Variants in ZNRF1 observed in about 807,000 individuals in gnomAD.
ZNRF1 encodes the protein E3 ubiquitin-protein ligase ZNRF1.
ZNRF1 carries 3 observed loss-of-function variants against 18.4 expected under a neutral mutation model. The ratio of observed to expected loss-of-function variants is 0.16; its 90% CI spans 0.07 to 0.42. ZNRF1 has a LOEUF of 0.42. Ranked by LOEUF, ZNRF1 falls within the 10% of genes least tolerant of loss-of-function variation. The probability of loss-of-function intolerance (pLI) is 0.99; values close to 1 mark genes in which losing one functional copy is unlikely to be tolerated. For synonymous variants in ZNRF1, 157 were observed against 144.2 expected (o/e 1.09, Z -0.64); for missense variants, 310 against 329.8 (o/e 0.94, Z 0.47).
chr16:75,036,567 TC>T (rs1483285059), intron 1 of ZNRF1, among the ~76,000 whole-genome samples: 2 of 148,912 alleles, frequency 1.3e-5, no homozygotes, highest in East Asian at 1.9e-4. Flanking sequence ...TTCATCTGTT[TC>T]TTTTTTTTTT....
intron 1 of ZNRF1, among the ~76,000 whole-genome samples, chr16:75,049,871 G>GT (rs1555511852): frequency 1.3e-5 from 2 of 150,418 alleles, no homozygotes; most frequent in African/African-American, 2.4e-5. Context: ...GTGTGTGTGT[G>GT]GTTTAGTGCA....
chr16:75,002,371 G>T (rs896100151), intron 1 of ZNRF1: 2 of 152,214 alleles, frequency 1.3e-5, no homozygotes, highest in Non-Finnish European at 2.9e-5. Flanking sequence ...GAGCCTTTGA[G>T]TAAGGTCTAA....
chr16:75,076,415 G>A (rs547894515), intron 1 of ZNRF1, among the ~76,000 whole-genome samples: 2 of 152,200 alleles, frequency 1.3e-5, no homozygotes, highest in South Asian at 2.1e-4. Flanking sequence ...ACTTCGGGAT[G>A]TGAAAGAAAT....
chr16:75,032,553 A>G (rs770391225), intron 1 of ZNRF1, among the ~76,000 whole-genome samples: 1 of 151,990 alleles, frequency 6.6e-6, no homozygotes, highest in Non-Finnish European at 1.5e-5. Flanking sequence ...AACAAACAAC[A>G]ACACAAAGAA....
intron 2 of ZNRF1, 38 bp from the exon 3 acceptor site, chr16:75,104,746 G>T: frequency 6.4e-7 from 1 of 1,553,548 alleles, no homozygotes; most frequent in South Asian, 1.2e-5. Flanking sequence ...GTCCACTGGT[G>T]ACTAACCCTC....
intron 1 of ZNRF1, among the ~76,000 whole-genome samples, chr16:75,061,143 C>A (rs2035739069): frequency 1.3e-5 from 2 of 152,150 alleles, no homozygotes; most frequent in Admixed American, 6.5e-5. Flanking sequence ...AAGCATTTAT[C>A]CTTTGAGTTA....
chr16:75,102,649 C>T (rs1411687155), intron 2 of ZNRF1, among the ~76,000 whole-genome samples: 1 of 152,162 alleles, frequency 6.6e-6, no homozygotes, highest in Non-Finnish European at 1.5e-5. Flanking sequence ...GGATTTTGGT[C>T]TGAACTTTCT....
intron 1 of ZNRF1, among the ~76,000 whole-genome samples, chr16:75,001,025 A>G (rs1391970793): frequency 6.6e-6 from 1 of 152,198 alleles, no homozygotes; most frequent in African/African-American, 2.4e-5. Flanking sequence ...TGGCAGGAGG[A>G]AAACAGGTCT....
chr16:75,027,386 C>G (rs1220993031), intron 1 of ZNRF1, among the ~76,000 whole-genome samples: 1 of 152,172 alleles, frequency 6.6e-6, no homozygotes, highest in Non-Finnish European at 1.5e-5. Flanking sequence ...CTTTTTAGCC[C>G]TATAGCTGGG....
intron 1 of ZNRF1, among the ~76,000 whole-genome samples, chr16:75,007,252 C>T (rs565944579): frequency 6.6e-6 from 1 of 151,374 alleles, no homozygotes; most frequent in South Asian, 2.1e-4. Context: ...ATGGGGTCTC[C>T]ATTTGTTGCC....
chr16:75,057,143 G>C (rs2035678305), intron 1 of ZNRF1, among the ~76,000 whole-genome samples: 1 of 152,088 alleles, frequency 6.6e-6, no homozygotes, highest in African/African-American at 2.4e-5. Context: ...TTCAGAATCA[G>C]GTACTACCGG....
chr16:75,063,249 C>T (rs1268671511), intron 1 of ZNRF1, among the ~76,000 whole-genome samples: 1 of 152,218 alleles, frequency 6.6e-6, no homozygotes, highest in Non-Finnish European at 1.5e-5. Context: ...CAGCCGGACT[C>T]TGGAAAGCCC....
chr16:75,101,624 C>T (rs989788358), intron 2 of ZNRF1, among the ~76,000 whole-genome samples: 1 of 152,168 alleles, frequency 6.6e-6, no homozygotes, highest in African/African-American at 2.4e-5. Context: ...CCCGTTTATC[C>T]ATCCACCAAC....
chr16:75,030,944 A>C (rs1038048719), intron 1 of ZNRF1, among the ~76,000 whole-genome samples: 1 of 149,224 alleles, frequency 6.7e-6, no homozygotes, highest in East Asian at 2.0e-4. Context: ...GGGTTCAAGC[A>C]ATTCTTCCTC....
chr16:75,007,059 C>CTTTT (rs11321828), intron 1 of ZNRF1, among the ~76,000 whole-genome samples: 3 of 138,740 alleles, frequency 2.2e-5, no homozygotes, highest in African/African-American at 8.1e-5. Context: ...CAAGTTTAAT[C>CTTTT]TTTTTTTTTT....
At chr16:75,015,585 A>G (rs2035055120) in intron 1 of ZNRF1, among the ~76,000 whole-genome samples, 1 of 152,248 alleles carries the variant, frequency 6.6e-6, no homozygotes, top group Non-Finnish European at 1.5e-5. Context: ...TTAAAAAAAA[A>G]TCGTGTATTT....
At chr16:75,097,054 A>G (rs1329396265) in intron 2 of ZNRF1, among the ~76,000 whole-genome samples, 1 of 152,162 alleles carries the variant, frequency 6.6e-6, no homozygotes, top group East Asian at 1.9e-4. Context: ...AGGATACTGT[A>G]TAAGAGGGAG....
chr16:75,004,684 G>T (rs2034895628), intron 1 of ZNRF1, among the ~76,000 whole-genome samples: 1 of 152,172 alleles, frequency 6.6e-6, no homozygotes, highest in South Asian at 2.1e-4. Flanking sequence ...TGCAATCATG[G>T]TTCACTGTAG....
chr16:75,080,740 G>A (rs762492608), intron 1 of ZNRF1, among the ~76,000 whole-genome samples: 45 of 152,220 alleles, frequency 3.0e-4, no homozygotes, highest in East Asian at 1.4e-3. Flanking sequence ...GCATGGTGGC[G>A]CACTGGCCTG....
Sources: allele counts gnomAD v4.1 joint callset (sites outside exome capture counted in the v4.1 genomes callset), GRCh38; gene constraint gnomAD v4.1.1; transcripts MANE v1.5; gene names NCBI Gene and HGNC (gene_info 2026-07-23, HGNC 2026-07-21).